DOCK7: variants seen among roughly 807,000 people sequenced by gnomAD.
DOCK7 encodes dedicator of cytokinesis 7.
In DOCK7, 138 loss-of-function variants were observed where a neutral mutation model predicts 271.0. The observed-to-expected ratio is 0.51, with a 90% CI of 0.44 to 0.59. The LOEUF (loss-of-function observed/expected upper bound fraction) is 0.59. Ranked by LOEUF, DOCK7 falls within the 20% of genes least tolerant of loss-of-function variation. The pLI is 0.00. For synonymous variants in DOCK7, 823 were observed against 876.1 expected (o/e 0.94, Z 1.07); for missense variants, 2,066 against 2,592.4 (o/e 0.80, Z 4.41).
intron 22 of DOCK7, 43 bp from the exon 23 acceptor site, chr1:62,545,082 A>G: frequency 7.0e-7 from 1 of 1,423,162 alleles, no homozygotes; most frequent in Non-Finnish European, 9.6e-7. Context: ...AAGAAATATT[A>G]CATGTTGCAT....
chr1:62,585,587 A>G (rs1352851198), intron 15 of DOCK7, among the ~76,000 whole-genome samples: 1 of 152,158 alleles, frequency 6.6e-6, no homozygotes, highest in Non-Finnish European at 1.5e-5. Context: ...TTTTTCTTCC[A>G]GTGCTCTGGT....
intron 33 of DOCK7, among the ~76,000 whole-genome samples, chr1:62,513,210 A>ACTTT (rs1039729492): frequency 1.8e-4 from 23 of 125,398 alleles, no homozygotes; most frequent in African/African-American, 6.6e-4. Flanking sequence ...TCTAGAGAGG[A>ACTTT]CTTTCTAGAG....
In DOCK7 at chr1:62,648,150, T is replaced by A. The variant is rs1656903152; in HGVS notation, c.688A>T (p.Asn230Tyr). ...DRQNDDQRKSNRHKELFALHP... is the reference protein window; with the variant it reads ...DRQNDDQRKSYRHKELFALHP... Reference sequence around the variant, plus strand: ...AAAGCAAAAAGTTCTTTGTGACGGTTTGATTTCCTTTGGTCATCATTCTGA... The same window carrying A: ...AAAGCAAAAAGTTCTTTGTGACGGTATGATTTCCTTTGGTCATCATTCTGA... Residue 230 changes from asparagine to tyrosine, a missense_variant, in exon 6 of 50, where the codon AAC (asparagine) becomes TAC (tyrosine). Coordinates refer to ENST00000635253, the MANE Select transcript of DOCK7 (RefSeq NM_001367561.1). The A allele has an allele frequency of 6.2e-7, 1 of 1,613,578 alleles. No homozygotes were observed. The highest frequency in any genetic ancestry group is 1.3e-5 in the African/African-American group (1 of 75,026).
intron 14 of DOCK7, among the ~76,000 whole-genome samples, chr1:62,614,415 A>G (rs143183618): frequency 4.6e-5 from 7 of 152,158 alleles, no homozygotes; most frequent in Admixed American, 1.3e-4. Context: ...CAAATAGAAT[A>G]AACAACTTTT....
chr1:62,469,521 A>G (rs1289723094), intron 48 of DOCK7, among the ~76,000 whole-genome samples: 6 of 152,228 alleles, frequency 3.9e-5, no homozygotes, highest in Non-Finnish European at 8.8e-5. Flanking sequence ...TTTCATGACC[A>G]AGAACTCAAA....
chr1:62,456,720 G>A (rs1191117930), intron 49 of DOCK7, among the ~76,000 whole-genome samples: 1 of 152,054 alleles, frequency 6.6e-6, no homozygotes, highest in Non-Finnish European at 1.5e-5. Flanking sequence ...AAGGAACTGA[G>A]ATGAGGATTA....
At chr1:62,582,193 A>C (rs1455133849) in intron 16 of DOCK7, among the ~76,000 whole-genome samples, 2 of 152,200 alleles carry the variant, frequency 1.3e-5, no homozygotes, top group Non-Finnish European at 2.9e-5. Context: ...CATAGAAAAG[A>C]AGCAGGAGCT....
intron 24 of DOCK7, among the ~76,000 whole-genome samples, chr1:62,543,010 A>G (rs1404961059): frequency 1.3e-5 from 2 of 152,216 alleles, no homozygotes; most frequent in South Asian, 2.1e-4. Context: ...CTTATAGTAC[A>G]GTAATATTTT....
Position 62,663,025 on chromosome 1 carries a change from T to G in DOCK7, c.144A>C (p.Thr48=), listed in dbSNP as rs765777144. 4 of 1,606,616 alleles carry G rather than the reference T, an allele frequency of 2.5e-6. No homozygotes were observed. The highest frequency in any genetic ancestry group is 3.4e-6 in the Non-Finnish European group (4 of 1,174,052). ...ACTATATTTTGAATACGTTACTTAC[T>G]GTGGTGTGATGGGATATATTGCCAA... ...NIVGNISHHT[T]VPLTEAVDPV... The change falls in exon 2 of 50, where the codon ACA becomes ACC. Residue 48 remains threonine (T), a splice_region_variant and synonymous_variant. Coordinates refer to ENST00000635253, the MANE Select transcript of DOCK7 (RefSeq NM_001367561.1).
chr1:62,567,676 C>A (rs1646567602), intron 18 of DOCK7, among the ~76,000 whole-genome samples: 1 of 151,596 alleles, frequency 6.6e-6, no homozygotes, highest in African/African-American at 2.4e-5. Flanking sequence ...TGCACATGTA[C>A]CCCAGAACTT....
At position 62,686,972 on chromosome 1, in the gene DOCK7, G is replaced by A. The variant is rs147717050; in HGVS notation, c.38+1255C>T. Among the ~76,000 whole-genome samples the A allele has an allele frequency of 5.9e-3, 901 of 152,090 alleles. 7 individuals are homozygous for A. Among genetic ancestry groups the A allele is most frequent in the African/African-American group, 0.021 (851 of 41,486 alleles). ...TTTTTTGCAGAGATGGGGTGGGGGG[G>A]ACTCGCTATGTTGCCCAGGCTGGTC... On this transcript the variant is annotated intron_variant, in intron 1 of 49. Coordinates refer to ENST00000635253, the MANE Select transcript of DOCK7 (RefSeq NM_001367561.1).
Position 62,535,593 on chromosome 1 carries a change from C to T in DOCK7, c.3511G>A (p.Ala1171Thr), listed in dbSNP as rs778123548. The change falls in exon 29 of 50, where the codon GCA (alanine) becomes ACA (threonine). Residue 1171 changes from alanine (A) to threonine (T), a missense_variant. Ala to Thr is a moderately conservative substitution (Grantham distance 58). Coordinates refer to ENST00000635253, the MANE Select transcript of DOCK7 (RefSeq NM_001367561.1). ...FSTNVQDQKI[A>T]NMFELSVPFR... ...GGCACGGATAATTCAAACATATTTG[C>T]AATCTTTTGGTCTTGTACATTCGTA... is the stretch of plus-strand genomic sequence containing the variant. The T allele has an allele frequency of 7.4e-6, 12 of 1,613,756 alleles. No individual in the cohort carries two copies. Among genetic ancestry groups the T allele is most frequent in the African/African-American group, 5.3e-5 (4 of 74,922 alleles).
At chr1:62,496,240 T>C in intron 38 of DOCK7, 99 bp downstream of exon 38, 1 of 1,337,902 alleles carries the variant, frequency 7.5e-7, no homozygotes, top group Non-Finnish European at 1.1e-6. Flanking sequence ...ATGAAATAAA[T>C]GATCCTCCAG....
intron 43 of DOCK7, chr1:62,479,816 T>G (rs974728544): frequency 4.9e-6 from 1 of 204,410 alleles, no homozygotes; most frequent in Non-Finnish European, 1.1e-5. Context: ...CCTGAGTAGC[T>G]AGGACTACAG....
At chr1:62,468,543 G>T (rs888924689) in intron 48 of DOCK7, among the ~76,000 whole-genome samples, 3 of 151,964 alleles carry the variant, frequency 2.0e-5, no homozygotes, top group Non-Finnish European at 4.4e-5. Flanking sequence ...CTTCAACATA[G>T]TACTGGAAGT....
rs1553160004 is a variant in DOCK7 at position 62,513,260 on chromosome 1, G to GGC, written c.4282+183_4282+184insGC. On this transcript the variant is annotated intron_variant, in intron 33 of 49. Transcript: ENST00000635253. ...AAGACTTTCTAGAGAAAACGGGGGG[G>GGC]GGGGGGCGGTATGCTGACTCACCTA... is the stretch of plus-strand genomic sequence containing the variant. 8.1e-5 allele frequency among the ~76,000 whole-genome samples: 8 copies of GGC among 99,194 alleles called. 1 individual carries two copies. The highest frequency in any genetic ancestry group is 9.2e-5 in the Non-Finnish European group (4 of 43,366). The allele number at this position is 99,194 out of a possible 152,430, so 65.1% of individuals were successfully genotyped here. A position where few individuals can be genotyped will look rare whatever the true frequency, so the allele number is the denominator to read the frequency against.
At chr1:62,500,133 G>C (rs1646740098) in intron 37 of DOCK7, among the ~76,000 whole-genome samples, 1 of 152,074 alleles carries the variant, frequency 6.6e-6, no homozygotes, top group Non-Finnish European at 1.5e-5. Flanking sequence ...GTAAGGAAGA[G>C]CAGCAAAACT....
intron 15 of DOCK7, among the ~76,000 whole-genome samples, chr1:62,583,693 T>A (rs1304535675): frequency 6.6e-6 from 1 of 152,158 alleles, no homozygotes; most frequent in East Asian, 1.9e-4. Flanking sequence ...ATATATGATA[T>A]CAGAAATCCT....
rs1280487663 is a variant in DOCK7 at position 62,568,103 on chromosome 1, A to G, written c.2113-6400T>C. On this transcript the variant is annotated intron_variant, in intron 18 of 49. Transcript: ENST00000635253. ...AATTAGAACTCAAAGAAACTCACTC[A>G]AAACCACACAACTACACGGAAATTG... Among the ~76,000 whole-genome samples the G allele has an allele frequency of 2.6e-5, 4 of 152,296 alleles. No homozygotes were observed. The East Asian group carries it at 7.7e-4, about 29-fold the overall frequency.
Sources: allele counts gnomAD v4.1 joint callset (sites outside exome capture counted in the v4.1 genomes callset), GRCh38; gene constraint gnomAD v4.1.1; transcripts MANE v1.5; gene names NCBI Gene and HGNC (gene_info 2026-07-23, HGNC 2026-07-21).